The following SCN2A variants were observed in gnomAD, a reference collection of about 807,000 sequenced individuals.
SCN2A encodes sodium channel protein type 2 subunit alpha.
In SCN2A, 20 loss-of-function variants were observed where a neutral mutation model predicts 188.7. That is an observed-to-expected ratio of 0.11 (90% CI 0.07 to 0.15). The LOEUF is 0.15. Among genes scored for constraint, SCN2A ranks in the 10% least tolerant of loss-of-function variants. The pLI, the probability that SCN2A is intolerant of heterozygous loss-of-function variation, is 1.00. For synonymous variants in SCN2A, 804 were observed against 833.1 expected (o/e 0.97, Z 0.60); for missense variants, 1,278 against 2,445.0 (o/e 0.52, Z 10.07).
In SCN2A at chr2:165,366,900, G is replaced by A. The variant is rs544366393; in HGVS notation, c.3521-317G>A. 1.7e-4 allele frequency among the ~76,000 whole-genome samples: 26 copies of A among 152,180 alleles called. No homozygotes were observed. In the South Asian group the frequency reaches 5.4e-3, roughly 32 times the overall value. ...CATATAGAGTGGAATTACACTCATAGGATAAGGACAGGATGGAAATACCAA... is the reference window on the plus strand; with the variant it reads ...CATATAGAGTGGAATTACACTCATAAGATAAGGACAGGATGGAAATACCAA... On this transcript the variant is annotated intron_variant, in intron 18 of 26. Coordinates refer to ENST00000375437, the MANE Select transcript of SCN2A (RefSeq NM_001040142.2).
Position 165,390,458 on chromosome 2 carries a change from T to C in SCN2A, c.*634T>C, listed in dbSNP as rs1218007356. ...GAGTTTACTTCTTGTTTCAGGATGT[T>C]TTTAGATTTTTGAGGTGCTTAAATA... On this transcript the variant is annotated 3_prime_UTR_variant, in exon 27 of 27. Coordinates refer to ENST00000375437, the MANE Select transcript of SCN2A (RefSeq NM_001040142.2). 1 of 152,588 alleles carries C rather than the reference T, an allele frequency of 6.6e-6. No individual in the cohort carries two copies. The highest frequency in any genetic ancestry group is 1.5e-5 in the Non-Finnish European group (1 of 68,050). 9.5% of individuals were successfully genotyped at this position (152,588 alleles called of 1,614,324 possible). A position where few individuals can be genotyped will look rare whatever the true frequency, so the allele number is the denominator to read the frequency against.
intron 1 of SCN2A, among the ~76,000 whole-genome samples, chr2:165,241,585 C>T (rs891787534): frequency 1.3e-5 from 2 of 152,126 alleles, no homozygotes; most frequent in Non-Finnish European, 1.5e-5. Flanking sequence ...ATACCACGTA[C>T]CAACCAAGTG....
chr2:165,333,318 T>C (rs1234416631), intron 14 of SCN2A, among the ~76,000 whole-genome samples: 1 of 151,924 alleles, frequency 6.6e-6, no homozygotes, highest in Non-Finnish European at 1.5e-5. Flanking sequence ...AGGTGAATTA[T>C]GGAATAGTAG....
At chr2:165,294,581 A>C (rs1696397543) in intron 1 of SCN2A, among the ~76,000 whole-genome samples, 1 of 146,670 alleles carries the variant, frequency 6.8e-6, no homozygotes, top group Non-Finnish European at 1.5e-5. Flanking sequence ...AATGCATTTC[A>C]TATATTTAAA....
chr2:165,266,899 GACA>G (rs1383103540), intron 1 of SCN2A: 1 of 151,990 alleles, frequency 6.6e-6, no homozygotes, highest in Non-Finnish European at 1.5e-5. Flanking sequence ...GAGAAGTCAA[GACA>G]ACAATATCAT....
chr2:165,305,766 A>T (rs1022693258), intron 3 of SCN2A, among the ~76,000 whole-genome samples: 1 of 152,196 alleles, frequency 6.6e-6, no homozygotes, highest in Non-Finnish European at 1.5e-5. Flanking sequence ...TGAATATATG[A>T]TAGATATATA....
rs934501098 is a variant in SCN2A, at chr2:165,391,233, A to G, written c.*1409A>G. On this transcript the variant is annotated 3_prime_UTR_variant, in exon 27 of 27. Coordinates refer to ENST00000375437, the MANE Select transcript of SCN2A (RefSeq NM_001040142.2). The stretch of plus-strand genomic sequence containing the variant: ...GTCATTAAGCAATAGGTTGCAGCAA[A>G]CAAGGAAGAGCTTCTTGCTTTTTAT... 6.6e-6 allele frequency: 1 copy of G among 152,524 alleles called. No homozygotes were observed. The highest frequency in any genetic ancestry group is 6.6e-5 in the Admixed American group (1 of 15,240). 9.4% of individuals were successfully genotyped at this position (152,524 alleles called of 1,614,324 possible). A position where few individuals can be genotyped will look rare whatever the true frequency, so the allele number is the denominator to read the frequency against.
At chr2:165,386,633 A>T in intron 25 of SCN2A, 113 bp from the exon 26 acceptor site, 1 of 1,081,318 alleles carries the variant, frequency 9.2e-7, no homozygotes, top group Non-Finnish European at 1.3e-6. Flanking sequence ...TGTGAGGATT[A>T]AAGATGTGTT....
intron 11 of SCN2A, 78 bp from the exon 12 acceptor site, chr2:165,323,078 G>A: frequency 1.5e-6 from 2 of 1,329,712 alleles, no homozygotes; most frequent in African/African-American, 1.4e-5. Context: ...ATGACACAAT[G>A]AATCAAATTC....
At chr2:165,313,526 G>A (rs1352703172) in intron 8 of SCN2A, 94 bp from the exon 9 acceptor site, 3 of 1,482,392 alleles carry the variant, frequency 2.0e-6, no homozygotes, top group African/African-American at 1.4e-5. Context: ...TCTAGTGCCT[G>A]TATAAAACAG....
chr2:165,391,346 G>C lies in SCN2A; in HGVS notation c.*1522G>C, dbSNP rs1702114904. 3 of 152,406 alleles carry C rather than the reference G, an allele frequency of 2.0e-5. No individual in the cohort carries two copies. The South Asian group carries it at 6.2e-4, about 32-fold the overall frequency. The allele number at this position is 152,406 out of a possible 1,614,324, so 9.4% of individuals were successfully genotyped here. A position where few individuals can be genotyped will look rare whatever the true frequency, so the allele number is the denominator to read the frequency against. ...TGCTTAAATCTGTTTAAAATATATG[G>C]TTAGAGTTTTCTAAGAAAATATAAA... On this transcript the variant is annotated 3_prime_UTR_variant, in exon 27 of 27. Transcript: ENST00000375437.
Position 165,389,459 on chromosome 2 carries a change from G to C in SCN2A, c.5653G>C (p.Ala1885Pro). 6.2e-7 allele frequency: 1 copy of C among 1,613,906 alleles called. No homozygotes were observed. The highest frequency in any genetic ancestry group is 8.5e-7 in the Non-Finnish European group (1 of 1,179,966). Residue 1885 changes from alanine to proline, a missense_variant, in exon 27 of 27, where the codon GCA becomes CCA. This residue lies in a region of SCN2A where 54 missense variants were observed against 135.4 expected (regional missense o/e 0.40). Coordinates refer to ENST00000375437, the MANE Select transcript of SCN2A (RefSeq NM_001040142.2). The surrounding 1 kb of genome is among the most constrained non-coding windows in gnomAD (Gnocchi z 4.2). ...LRIQMEERFM[A>P]SNPSKVSYEP... is the part of the protein sequence containing the mutation. ...AATACAGATGGAAGAGCGATTCATG[G>C]CATCAAACCCCTCCAAAGTCTCTTA...
chr2:165,352,815 A>G (rs1310088758), intron 16 of SCN2A, among the ~76,000 whole-genome samples: 3 of 152,202 alleles, frequency 2.0e-5, no homozygotes, highest in Non-Finnish European at 4.4e-5. Context: ...GTACATGCAA[A>G]TATTTTAAAA....
intron 1 of SCN2A, among the ~76,000 whole-genome samples, chr2:165,258,226 T>C (rs575377644): frequency 2.0e-5 from 3 of 152,342 alleles, no homozygotes; most frequent in East Asian, 1.9e-4. Context: ...ATTTTTGTCA[T>C]GAAACTTTTG....
intron 3 of SCN2A, among the ~76,000 whole-genome samples, chr2:165,302,161 A>G (rs942093835): frequency 6.6e-6 from 1 of 152,224 alleles, no homozygotes; most frequent in Non-Finnish European, 1.5e-5. Context: ...ATACAGGTTT[A>G]TATGAAAGCA....
intron 22 of SCN2A, among the ~76,000 whole-genome samples, chr2:165,375,680 C>T (rs559799044): frequency 2.6e-5 from 4 of 152,084 alleles, no homozygotes; most frequent in South Asian, 4.1e-4. Flanking sequence ...GTTTAGGAAA[C>T]TGCTTCTTTT....
intron 1 of SCN2A, chr2:165,272,316 C>T (rs1349786837): frequency 6.6e-6 from 1 of 151,734 alleles, no homozygotes; most frequent in Non-Finnish European, 1.5e-5. Flanking sequence ...CAAGGCATGA[C>T]AATCTTAAAA....
chr2:165,366,660 A>G (rs1700742010), intron 18 of SCN2A, among the ~76,000 whole-genome samples: 1 of 147,696 alleles, frequency 6.8e-6, no homozygotes, highest in Non-Finnish European at 1.5e-5. Flanking sequence ...GCTGCAGTGC[A>G]TGAGCCGAGG....
Position 165,334,870 on chromosome 2 carries a change from T to TACACAC in SCN2A, c.2388+3316_2388+3321dup, listed in dbSNP as rs143838903. Among the ~76,000 whole-genome samples the TACACAC allele has an allele frequency of 2.0e-3, 303 of 148,514 alleles. 1 individual carries two copies. The highest frequency in any genetic ancestry group is 0.016 in the East Asian group (83 of 5,118). ...CTTGTATTTAGAAAATCCTATAAAA[T>TACACAC]ACACACACACACACACACAGCTGTT... On this transcript the variant is annotated intron_variant, in intron 14 of 26. Coordinates refer to ENST00000375437, the MANE Select transcript of SCN2A (RefSeq NM_001040142.2).
Sources: gnomAD v4.1 joint callset for allele counts (sites outside exome capture counted in the v4.1 genomes callset) on GRCh38, gnomAD v4.1.1 for gene constraint, gnomAD v4.1.1 regional missense constraint, Gnocchi (gnomAD v3.1) non-coding constraint, MANE v1.5 for transcripts, NCBI Gene and HGNC (gene_info 2026-07-23, HGNC 2026-07-21) for gene names.